Variants in MAST4 observed in about 807,000 individuals in gnomAD.
MAST4 encodes the protein microtubule associated serine/threonine kinase family member 4, also known as microtubule-associated serine/threonine-protein kinase 4.
MAST4 carries 89 observed loss-of-function variants against 162.7 expected under a neutral mutation model. The ratio of observed to expected loss-of-function variants is 0.55; its 90% CI spans 0.46 to 0.65. The LOEUF (loss-of-function observed/expected upper bound fraction) is 0.65, where lower values mean the gene tolerates loss of function less well. MAST4 is among the 30% of genes least tolerant of loss of function. The pLI, the probability that MAST4 is intolerant of heterozygous loss-of-function variation, is 0.00. For synonymous variants in MAST4, 1,479 were observed against 1,361.1 expected, an observed-to-expected ratio of 1.09 and a Z score of -1.91; for missense variants, 3,153 against 3,374.0, an observed-to-expected ratio of 0.93 and a Z score of 1.62.
At chr5:66,964,144 G>C (rs1746358669) in intron 4 of MAST4, 1 of 456,174 alleles carries the variant, frequency 2.2e-6, no homozygotes, top group Admixed American at 2.6e-5. Context: ...TATAATACCT[G>C]TTGCCTCAAA....
chr5:66,874,750 A>G (rs190482), intron 3 of MAST4, among the ~76,000 whole-genome samples: 43,687 of 152,132 alleles, frequency 0.29, 6,511 homozygotes, highest in East Asian at 0.54. Context: ...CTCTAATGAT[A>G]ACAAGGTTTC....
chr5:66,890,019 G>A (rs1167346924), intron 3 of MAST4, among the ~76,000 whole-genome samples: 12 of 151,984 alleles, frequency 7.9e-5, no homozygotes, highest in Non-Finnish European at 1.5e-4. Context: ...TCTAATATGA[G>A]TTTTATATTT....
chr5:67,118,686 G>C lies in MAST4; in HGVS notation c.1596G>C (p.Met532Ile). Residue 532 changes from methionine (M) to isoleucine (I), a missense_variant, in exon 13 of 29, where the codon ATG becomes ATC. Transcript: ENST00000403625. ...LGLNKDPLEE[M>I]AHLGNYDSGT... is the part of the protein sequence containing the mutation. ...CTTTTTTTTTTTCCAACTTAGAAAT[G>C]GCTCATTTGGGAAACTACGATAGTG... is the stretch of plus-strand genomic sequence containing the variant. The C allele has an allele frequency of 6.4e-7, 1 of 1,557,306 alleles. No homozygotes were observed. Among genetic ancestry groups the C allele is most frequent in the South Asian group, 1.2e-5 (1 of 84,530 alleles).
intron 1 of MAST4, among the ~76,000 whole-genome samples, chr5:66,636,397 G>A (rs1031136499): frequency 6.6e-6 from 1 of 152,166 alleles, no homozygotes; most frequent in African/African-American, 2.4e-5. Flanking sequence ...GAATTTCATA[G>A]ACATGTTTAT....
At chr5:67,053,070 T>G (rs1758376376) in intron 4 of MAST4, among the ~76,000 whole-genome samples, 1 of 152,180 alleles carries the variant, frequency 6.6e-6, no homozygotes, top group Admixed American at 6.5e-5. Context: ...CTATTCTTAT[T>G]AACAACTGCT....
At position 67,169,050 on chromosome 5, in the gene MAST4, G is replaced by C. The variant is rs539355029; in HGVS notation, c.*1999G>C. 8 of 152,066 alleles carry C rather than the reference G, an allele frequency of 5.3e-5. No homozygotes were observed. Among genetic ancestry groups the C allele is most frequent in the African/African-American group, 1.7e-4 (7 of 41,478 alleles). 9.4% of individuals were successfully genotyped at this position (152,066 alleles called of 1,614,324 possible). On this transcript the variant is annotated 3_prime_UTR_variant, in exon 29 of 29. Transcript: ENST00000403625. ...AGTTTACTAATGGATTTCAAAACTG[G>C]TCTCAACGTTTATAATACATATCTG...
At chr5:66,996,767 C>CA (rs1392729883) in intron 4 of MAST4, among the ~76,000 whole-genome samples, 35 of 152,326 alleles carry the variant, frequency 2.3e-4, no homozygotes, top group African/African-American at 8.4e-4. Context: ...GCCTCACTTT[C>CA]ATAGAGACAC....
At chr5:66,939,913 T>G (rs1743183153) in intron 4 of MAST4, among the ~76,000 whole-genome samples, 1 of 152,068 alleles carries the variant, frequency 6.6e-6, no homozygotes, top group Admixed American at 6.6e-5. Flanking sequence ...AAAAACAATG[T>G]ACATTAGCCA....
At chr5:66,808,603 G>A (rs1053007282) in intron 3 of MAST4, among the ~76,000 whole-genome samples, 2 of 152,182 alleles carry the variant, frequency 1.3e-5, no homozygotes, top group Non-Finnish European at 2.9e-5. Context: ...CCCAGCCAGT[G>A]TCGTGTCTCT....
intron 1 of MAST4, among the ~76,000 whole-genome samples, chr5:66,718,544 C>A (rs1486147960): frequency 1.3e-5 from 2 of 152,004 alleles, no homozygotes; most frequent in African/African-American, 4.8e-5. Context: ...TGGTATATAG[C>A]CTTTTCAGAG....
chr5:67,071,337 T>A (rs1480788885), intron 5 of MAST4, among the ~76,000 whole-genome samples: 1 of 152,152 alleles, frequency 6.6e-6, no homozygotes, highest in Non-Finnish European at 1.5e-5. Flanking sequence ...TGCTAGATAA[T>A]GATGTAATGG....
At chr5:66,719,822 G>A (rs1408423954) in intron 1 of MAST4, among the ~76,000 whole-genome samples, 1 of 151,732 alleles carries the variant, frequency 6.6e-6, no homozygotes. Flanking sequence ...TTTCCTTAAA[G>A]TATTTGTGTT....
chr5:66,999,454 C>T (rs1405980110), intron 4 of MAST4, among the ~76,000 whole-genome samples: 1 of 152,186 alleles, frequency 6.6e-6, no homozygotes, highest in Non-Finnish European at 1.5e-5. Context: ...TATGCACTGT[C>T]TTCTCTTATA....
At chr5:66,616,899 T>C (rs564961578) in intron 1 of MAST4, among the ~76,000 whole-genome samples, 64 of 152,354 alleles carry the variant, frequency 4.2e-4, no homozygotes, top group South Asian at 2.7e-3. Flanking sequence ...TTCTCTACAA[T>C]TGGTTGCTGA....
Position 67,145,091 on chromosome 5 carries a change from T to G in MAST4, c.2859-53T>G, listed in dbSNP as rs754365774. On this transcript the variant is annotated intron_variant, in intron 22 of 28. Coordinates refer to ENST00000403625, the MANE Select transcript of MAST4 (RefSeq NM_001164664.2). ...ACCTGGTTTCTTCCAAAATTCACCT[T>G]TAACACAGTTTTCTAGTATGTATAT... is the stretch of plus-strand genomic sequence containing the variant. 5.1e-5 allele frequency: 74 copies of G among 1,445,918 alleles called. No homozygotes were observed. In the Middle Eastern group the frequency reaches 1.2e-3, roughly 24 times the overall value. The allele number at this position is 1,445,918 out of a possible 1,614,324, so 89.6% of individuals were successfully genotyped here. A position where few individuals can be genotyped will look rare whatever the true frequency, so the allele number is the denominator to read the frequency against.
At chr5:67,098,840 A>G (rs570203779) in intron 7 of MAST4, among the ~76,000 whole-genome samples, 2 of 152,306 alleles carry the variant, frequency 1.3e-5, no homozygotes, top group South Asian at 2.1e-4. Flanking sequence ...TGTTCTGTAC[A>G]TAACAGACCA....
intron 1 of MAST4, among the ~76,000 whole-genome samples, chr5:66,675,635 A>G (rs920098954): frequency 2.6e-5 from 4 of 152,308 alleles, no homozygotes; most frequent in African/African-American, 7.2e-5. Context: ...TGACTTGGCC[A>G]AGAACATCAC....
intron 1 of MAST4, among the ~76,000 whole-genome samples, chr5:66,716,932 T>C (rs1750877324): frequency 1.3e-5 from 2 of 152,210 alleles, no homozygotes; most frequent in Admixed American, 1.3e-4. Flanking sequence ...AACAAACACA[T>C]GTCTCCTAGT....
intron 3 of MAST4, among the ~76,000 whole-genome samples, chr5:66,885,150 C>T (rs762668942): frequency 3.3e-5 from 5 of 152,128 alleles, no homozygotes; most frequent in African/African-American, 9.7e-5. Context: ...GTTTTCAAAA[C>T]GTTTCTCAGT....
Sources: allele counts gnomAD v4.1 joint callset (sites outside exome capture counted in the v4.1 genomes callset), GRCh38; gene constraint gnomAD v4.1.1; transcripts MANE v1.5; gene names NCBI Gene and HGNC (gene_info 2026-07-23, HGNC 2026-07-21).